SUGP1: variants seen among roughly 807,000 people sequenced by gnomAD.
SUGP1 encodes the protein SURP and G-patch domain containing 1, also known as SURP and G-patch domain-containing protein 1.
Under a neutral mutation model 76.5 loss-of-function variants are expected in SUGP1, and 34 were observed. That is an observed-to-expected ratio of 0.44 (90% CI 0.34 to 0.59). The LOEUF (loss-of-function observed/expected upper bound fraction) is 0.59, where lower values mean the gene tolerates loss of function less well. SUGP1 is among the 20% of genes least tolerant of loss of function. SUGP1 has a pLI of 0.01. For synonymous variants in SUGP1, 326 were observed against 326.2 expected (o/e 1.00, Z 0.01); for missense variants, 752 against 851.7 (o/e 0.88, Z 1.46).
At chr19:19,278,235 G>C (rs1047315632) in intron 11 of SUGP1, among the ~76,000 whole-genome samples, 2 of 152,156 alleles carry the variant, frequency 1.3e-5, no homozygotes, top group Non-Finnish European at 2.9e-5. Flanking sequence ...TGGACAACGA[G>C]GTTACCACCT....
Position 19,304,734 on chromosome 19 carries a change from T to C in SUGP1, c.539-887A>G, listed in dbSNP as rs1036061655. Among the ~76,000 whole-genome samples the C allele has an allele frequency of 7.2e-5, 11 of 152,332 alleles. No homozygotes were observed. The East Asian group carries it at 2.1e-3, about 29-fold the overall frequency. ...AAATTTCTCGCTGCCAGCAAGTGCC[T>C]GGCAACTGGGCAACATGCCAGACCT... On this transcript the variant is annotated intron_variant, in intron 4 of 13. Coordinates refer to ENST00000247001, the MANE Select transcript of SUGP1 (RefSeq NM_172231.4).
At chr19:19,287,133 C>T (rs2061146655) in intron 8 of SUGP1, among the ~76,000 whole-genome samples, 1 of 151,908 alleles carries the variant, frequency 6.6e-6, no homozygotes, top group African/African-American at 2.4e-5. Flanking sequence ...ATTAGCTAGG[C>T]ATGGGCACAC....
At chr19:19,305,816 G>T in intron 4 of SUGP1, 33 bp downstream of exon 4, 1 of 1,560,614 alleles carries the variant, frequency 6.4e-7, no homozygotes, top group Non-Finnish European at 8.7e-7. Flanking sequence ...CACGGGCACT[G>T]GTGGTGGGGG....
chr19:19,277,924 T>C (rs1363613483), intron 11 of SUGP1, 45 bp from the exon 12 acceptor site: 9 of 1,605,614 alleles, frequency 5.6e-6, no homozygotes, highest in Non-Finnish European at 7.7e-6. Flanking sequence ...GCTGGGGCTG[T>C]GGTGGCCCCC....
chr19:19,276,703 G>A (rs748839815), intron 13 of SUGP1, 29 bp from the exon 14 acceptor site: 1 of 1,614,112 alleles, frequency 6.2e-7, no homozygotes, highest in South Asian at 1.1e-5. Context: ...ATAACAGGAG[G>A]AGGGGATTAG....
intron 8 of SUGP1, among the ~76,000 whole-genome samples, chr19:19,290,720 CTG>C (rs1319210210): frequency 1.3e-5 from 2 of 152,088 alleles, no homozygotes; most frequent in African/African-American, 2.4e-5. Context: ...TTAAGGAAAA[CTG>C]TATTTCTGAA....
chr19:19,305,935 T>C lies in SUGP1; in HGVS notation c.452A>G (p.Gln151Arg). 1.2e-6 allele frequency: 2 copies of C among 1,613,430 alleles called. No individual in the cohort carries two copies. The highest frequency in any genetic ancestry group is 1.7e-6 in the Non-Finnish European group (2 of 1,179,934). The change falls in exon 4 of 14, where the codon CAG (glutamine) becomes CGG (arginine). Residue 151 changes from glutamine to arginine, a missense_variant. This residue lies in a region of SUGP1 where 620 missense variants were observed against 617.3 expected (regional missense o/e 1.00). Transcript: ENST00000247001. ...GPVKSYSHAK[Q>R]LPVAHRPSVF... is the part of the protein sequence containing the mutation. ...ACTCGGGCGGTGCGCCACGGGCAGCTGCTTGGCGTGGGAGTAGCTCTTCAC... is the reference window on the plus strand; with the variant it reads ...ACTCGGGCGGTGCGCCACGGGCAGCCGCTTGGCGTGGGAGTAGCTCTTCAC...
chr19:19,280,985 G>C (rs1213780031), intron 8 of SUGP1: 1 of 152,304 alleles, frequency 6.6e-6, no homozygotes, highest in African/African-American at 2.4e-5. Flanking sequence ...TCTGGGAAGG[G>C]AAAAGATTTG....
intron 7 of SUGP1, among the ~76,000 whole-genome samples, chr19:19,300,604 C>T (rs2061263777): frequency 6.6e-6 from 1 of 152,202 alleles, no homozygotes; most frequent in South Asian, 2.1e-4. Flanking sequence ...AGGAGCAAAC[C>T]TGCACACCCT....
rs923470054 is a variant in SUGP1, at chr19:19,300,750, C to A, written c.887+1515G>T. Among the ~76,000 whole-genome samples the A allele has an allele frequency of 3.9e-5, 6 of 152,268 alleles. No individual in the cohort carries two copies. In the South Asian group the frequency reaches 1.2e-3, roughly 32 times the overall value. ...GGCTGCCCGGGGTACCCACCCCAGG[C>A]GACCTCAACCAGCCTGGCCTCCCCG... On this transcript the variant is annotated intron_variant, in intron 7 of 13. Coordinates refer to ENST00000247001, the MANE Select transcript of SUGP1 (RefSeq NM_172231.4).
intron 2 of SUGP1, among the ~76,000 whole-genome samples, chr19:19,313,608 C>A (rs972236943): frequency 6.6e-6 from 1 of 152,136 alleles, no homozygotes; most frequent in East Asian, 1.9e-4. Flanking sequence ...ACTCAAGAGG[C>A]TGAGGTGGGA....
Position 19,277,003 on chromosome 19 carries a change from A to G in SUGP1, c.1855T>C (p.Tyr619His). The change falls in exon 13 of 14, where the codon TAT becomes CAT. Residue 619 changes from tyrosine (Y) to histidine (H), a missense_variant. Coordinates refer to ENST00000247001, the MANE Select transcript of SUGP1 (RefSeq NM_172231.4). ...ATCATCCTCTTGCGGAACGCCTCAT[A>G]CTCGTCGTCCTCCTTGGAGAGCTCC... ...PAELSKEDDE[Y>H]EAFRKRMMLA... The G allele has an allele frequency of 1.2e-6, 2 of 1,612,848 alleles. No individual in the cohort carries two copies. The highest frequency in any genetic ancestry group is 1.7e-6 in the Non-Finnish European group (2 of 1,179,982).
At position 19,305,930 on chromosome 19, in the gene SUGP1, G is replaced by T; in HGVS notation, c.457C>A (p.Pro153Thr). The T allele has an allele frequency of 2.5e-6, 4 of 1,613,484 alleles. No homozygotes were observed. Among genetic ancestry groups the T allele is most frequent in the Non-Finnish European group, 3.4e-6 (4 of 1,179,948 alleles). ...AAGACACTCGGGCGGTGCGCCACGG[G>T]CAGCTGCTTGGCGTGGGAGTAGCTC... ...VKSYSHAKQL[P>T]VAHRPSVFQS... is the part of the protein sequence containing the mutation. Residue 153 changes from proline (P) to threonine (T), a missense_variant, in exon 4 of 14, where the codon CCC becomes ACC. Transcript: ENST00000247001.
At chr19:19,283,605 G>A in intron 8 of SUGP1, among the ~76,000 whole-genome samples, 1 of 152,018 alleles carries the variant, frequency 6.6e-6, no homozygotes, top group Non-Finnish European at 1.5e-5. Flanking sequence ...CAGGTGGCAC[G>A]CCACCACACC....
intron 7 of SUGP1, among the ~76,000 whole-genome samples, chr19:19,301,061 A>C (rs1263103503): frequency 6.6e-6 from 1 of 152,140 alleles, no homozygotes; most frequent in Non-Finnish European, 1.5e-5. Context: ...ATATAGCCTT[A>C]ATCAGGCAAA....
Position 19,320,479 on chromosome 19 carries a change from G to C in SUGP1, c.18C>G (p.Asp6Glu). Residue 6 changes from aspartate to glutamate, a missense_variant, in exon 1 of 14, where the codon GAC becomes GAG. Physicochemically the swap from Asp to Glu is conservative, Grantham distance 45 (BLOSUM62 2). Transcript: ENST00000247001. The stretch of plus-strand genomic sequence containing the variant: ...GGCTGTTACCTGCAACATCCCGGTT[G>C]TCCATCTTGAGACTCATCCAATCCC... MSLKM[D>E]NRDVAGKANR... The C allele has an allele frequency of 1.2e-6, 2 of 1,610,216 alleles. No individual in the cohort carries two copies. The highest frequency in any genetic ancestry group is 1.7e-6 in the Non-Finnish European group (2 of 1,178,642).
intron 8 of SUGP1, among the ~76,000 whole-genome samples, chr19:19,294,460 G>A (rs1343406722): frequency 6.8e-6 from 1 of 147,564 alleles, no homozygotes; most frequent in South Asian, 2.2e-4. Context: ...GGGAGGTCGA[G>A]GCTGCAGTGA....
intron 8 of SUGP1, 41 bp from the exon 9 acceptor site, chr19:19,280,332 G>A (rs769086673): frequency 3.8e-6 from 6 of 1,573,656 alleles, no homozygotes; most frequent in Non-Finnish European, 5.2e-6. Context: ...CCTGACAGGT[G>A]CACCCCGATC....
chr19:19,308,383 G>A (rs535911768), intron 3 of SUGP1, among the ~76,000 whole-genome samples: 4 of 152,338 alleles, frequency 2.6e-5, no homozygotes, highest in Non-Finnish European at 2.9e-5. Flanking sequence ...GTTATCAGAC[G>A]TCTACCAAAG....
Sources: gnomAD v4.1 joint callset for allele counts (sites outside exome capture counted in the v4.1 genomes callset) on GRCh38, gnomAD v4.1.1 for gene constraint, gnomAD v4.1.1 regional missense constraint, MANE v1.5 for transcripts, NCBI Gene and HGNC (gene_info 2026-07-23, HGNC 2026-07-21) for gene names.